ARIH1: variants seen among roughly 807,000 people sequenced by gnomAD.
The protein encoded by ARIH1 is E3 ubiquitin-protein ligase ARIH1.
ARIH1 carries 8 observed loss-of-function variants against 85.0 expected under a neutral mutation model. That is an observed-to-expected ratio of 0.09 (90% CI 0.06 to 0.17). The LOEUF is 0.17. Among genes scored for constraint, ARIH1 ranks in the 10% least tolerant of loss-of-function variants. The pLI is 1.00. For synonymous variants in ARIH1, 238 were observed against 253.6 expected (o/e 0.94, Z 0.59); for missense variants, 311 against 718.1 (o/e 0.43, Z 6.48).
chr15:72,579,233 C>T (rs776651221), intron 11 of ARIH1, among the ~76,000 whole-genome samples: 8 of 152,036 alleles, frequency 5.3e-5, no homozygotes, highest in Non-Finnish European at 1.0e-4. Context: ...GAAACTAGAT[C>T]GTGTTGTCCT....
chr15:72,504,177 C>G (rs2063914979), intron 1 of ARIH1, among the ~76,000 whole-genome samples: 1 of 152,218 alleles, frequency 6.6e-6, no homozygotes, highest in Non-Finnish European at 1.5e-5. Flanking sequence ...GCCTCAGTCT[C>G]TTGAATAGCT....
intron 1 of ARIH1, among the ~76,000 whole-genome samples, chr15:72,496,527 G>T (rs2063881050): frequency 6.6e-6 from 1 of 152,172 alleles, no homozygotes; most frequent in South Asian, 2.1e-4. Flanking sequence ...TTACAAAAGT[G>T]CCTGCTGTAT....
At chr15:72,480,182 T>A (rs565551789) in intron 1 of ARIH1, among the ~76,000 whole-genome samples, 16 of 152,130 alleles carry the variant, frequency 1.1e-4, no homozygotes, top group Non-Finnish European at 1.9e-4. Context: ...AGTGTACTAT[T>A]CTAGCATATT....
intron 2 of ARIH1, among the ~76,000 whole-genome samples, chr15:72,522,242 C>A (rs940362492): frequency 6.6e-6 from 1 of 152,100 alleles, no homozygotes; most frequent in Non-Finnish European, 1.5e-5. Context: ...GGCTGCGCAC[C>A]ATGGCTCACA....
intron 1 of ARIH1, among the ~76,000 whole-genome samples, chr15:72,491,984 A>G (rs1042547220): frequency 1.6e-4 from 25 of 152,196 alleles, no homozygotes; most frequent in African/African-American, 5.3e-4. Context: ...GGCTGAGTCA[A>G]TGGGCTCTGA....
At position 72,595,261 on chromosome 15, in the gene ARIH1, C is replaced by T. The variant is rs1567366015; in HGVS notation, c.*11969C>T. ...ATGACATGATCATAGCTCACTGCAG[C>T]CTTGAGCTCCTGGACTCAAGCGACC... On this transcript the variant is annotated 3_prime_UTR_variant, in exon 14 of 14. Coordinates refer to ENST00000379887, the MANE Select transcript of ARIH1 (RefSeq NM_005744.5). The T allele has an allele frequency of 6.6e-6, 1 of 152,232 alleles. No individual in the cohort carries two copies. The highest frequency in any genetic ancestry group is 1.5e-5 in the Non-Finnish European group (1 of 68,090). 9.4% of individuals were successfully genotyped at this position (152,232 alleles called of 1,614,324 possible).
intron 12 of ARIH1, chr15:72,581,446 C>A: frequency 6.3e-6 from 1 of 158,826 alleles, no homozygotes; most frequent in Non-Finnish European, 1.4e-5. Context: ...CTAAACTAAC[C>A]CTGCAATATT....
At position 72,474,420 on chromosome 15, in the gene ARIH1, A is replaced by T; in HGVS notation, c.-220A>T. 1 of 587,154 alleles carries T rather than the reference A, an allele frequency of 1.7e-6. No homozygotes were observed. Among genetic ancestry groups the T allele is most frequent in the Non-Finnish European group, 2.9e-6 (1 of 344,248 alleles). The allele number at this position is 587,154 out of a possible 1,614,324, so 36.4% of individuals were successfully genotyped here. On this transcript the variant is annotated 5_prime_UTR_variant, in exon 1 of 14. Coordinates refer to ENST00000379887, the MANE Select transcript of ARIH1 (RefSeq NM_005744.5). ...GCCGCGTCTGACTGAGGCGGGCAGC[A>T]AGCGGCCCCCTCGCTCCCTCCCTCC...
intron 1 of ARIH1, among the ~76,000 whole-genome samples, chr15:72,515,787 G>A (rs773869753): frequency 1.3e-5 from 2 of 152,040 alleles, no homozygotes; most frequent in Non-Finnish European, 2.9e-5. Context: ...CACTTCTTTG[G>A]ATCTGTTCCA....
At chr15:72,518,990 T>C (rs2140411414) in intron 2 of ARIH1, among the ~76,000 whole-genome samples, 1 of 152,236 alleles carries the variant, frequency 6.6e-6, no homozygotes, top group Non-Finnish European at 1.5e-5. Flanking sequence ...TTTATAGTTT[T>C]AAAAGAGAAG....
intron 6 of ARIH1, among the ~76,000 whole-genome samples, chr15:72,562,670 A>C (rs2064202270): frequency 6.6e-6 from 1 of 150,940 alleles, no homozygotes; most frequent in African/African-American, 2.4e-5. Context: ...CCTTTAGCCT[A>C]TCTTGAACTA....
chr15:72,512,817 T>A (rs745800702), intron 1 of ARIH1, among the ~76,000 whole-genome samples: 1 of 152,128 alleles, frequency 6.6e-6, no homozygotes, highest in Non-Finnish European at 1.5e-5. Flanking sequence ...TGTCTACATA[T>A]TCAGTGGATT....
intron 1 of ARIH1, among the ~76,000 whole-genome samples, chr15:72,481,595 A>G (rs1241656180): frequency 6.6e-6 from 1 of 152,014 alleles, no homozygotes; most frequent in Non-Finnish European, 1.5e-5. Flanking sequence ...TTGAGGCAGG[A>G]GAATTGCTTG....
intron 1 of ARIH1, among the ~76,000 whole-genome samples, chr15:72,507,768 A>C (rs941664364): frequency 2.6e-5 from 4 of 152,246 alleles, no homozygotes; most frequent in Non-Finnish European, 5.9e-5. Context: ...GGTGCAATTG[A>C]TGTTAAAGCT....
At chr15:72,486,803 C>T (rs1247175851) in intron 1 of ARIH1, among the ~76,000 whole-genome samples, 1 of 140,632 alleles carries the variant, frequency 7.1e-6, no homozygotes, top group East Asian at 2.2e-4. Context: ...AAGTGATTAT[C>T]GTGCCTCAGC....
At chr15:72,511,704 T>G (rs569417524) in intron 1 of ARIH1, among the ~76,000 whole-genome samples, 20 of 152,332 alleles carry the variant, frequency 1.3e-4, no homozygotes, top group African/African-American at 2.9e-4. Flanking sequence ...ACATACATAG[T>G]CATCTGATTA....
In ARIH1 at chr15:72,595,522, AGGCTG is replaced by A. The variant is rs965577154; in HGVS notation, c.*12232_*12236del. On this transcript the variant is annotated 3_prime_UTR_variant, in exon 14 of 14. Transcript: ENST00000379887. Reference sequence around the variant, plus strand: ...TTTTGAGACAGGGTCTCTGTCACGCAGGCTGGAGTGTGGTGGCATGAACGTGGCTC... The same window carrying A: ...TTTTGAGACAGGGTCTCTGTCACGCAGAGTGTGGTGGCATGAACGTGGCTC... 3 of 152,238 alleles carry A rather than the reference AGGCTG, an allele frequency of 2.0e-5. No individual in the cohort carries two copies. The highest frequency in any genetic ancestry group is 7.2e-5 in the African/African-American group (3 of 41,406). 9.4% of individuals were successfully genotyped at this position (152,238 alleles called of 1,614,324 possible).
chr15:72,499,793 C>G (rs759654706), intron 1 of ARIH1, among the ~76,000 whole-genome samples: 1 of 152,170 alleles, frequency 6.6e-6, no homozygotes, highest in Non-Finnish European at 1.5e-5. Flanking sequence ...ATATAGCTCT[C>G]AACCATGGAC....
At chr15:72,552,032 A>C (rs2064154921) in intron 3 of ARIH1, among the ~76,000 whole-genome samples, 1 of 152,230 alleles carries the variant, frequency 6.6e-6, no homozygotes. Flanking sequence ...AAATGACGAC[A>C]ATCTCTTTGC....
Sources: gnomAD v4.1 joint callset for allele counts (sites outside exome capture counted in the v4.1 genomes callset) on GRCh38, gnomAD v4.1.1 for gene constraint, MANE v1.5 for transcripts, NCBI Gene and HGNC (gene_info 2026-07-23, HGNC 2026-07-21) for gene names.